Variants in SETBP1 observed in about 807,000 individuals in gnomAD.
SETBP1 encodes SET binding protein 1, also known as SET-binding protein.
A neutral mutation model predicts 101.0 loss-of-function variants in SETBP1; 9 were observed. That is an observed-to-expected ratio of 0.09 (90% CI 0.05 to 0.16). SETBP1 has a LOEUF of 0.16. SETBP1 is among the 10% of genes least tolerant of loss of function. The probability of loss-of-function intolerance (pLI) is 1.00; values close to 1 mark genes in which losing one functional copy is unlikely to be tolerated. For synonymous variants in SETBP1, 818 were observed against 788.5 expected (o/e 1.04, Z -0.63); for missense variants, 1,858 against 2,033.8 (o/e 0.91, Z 1.66).
intron 2 of SETBP1, among the ~76,000 whole-genome samples, chr18:44,837,373 C>T (rs1319306728): frequency 6.6e-6 from 1 of 152,206 alleles, no homozygotes; most frequent in African/African-American, 2.4e-5. Flanking sequence ...TCATCTATAG[C>T]AAGCCTTTTT....
chr18:44,756,046 T>C (rs2070486423), intron 2 of SETBP1, among the ~76,000 whole-genome samples: 1 of 151,914 alleles, frequency 6.6e-6, no homozygotes, highest in Non-Finnish European at 1.5e-5. Flanking sequence ...AAACCCCGTC[T>C]CTACTAAAAA....
At position 45,053,054 on chromosome 18, in the gene SETBP1, C is replaced by T. The variant is rs148427442; in HGVS notation, c.4172-10025C>T. Among the ~76,000 whole-genome samples the T allele has an allele frequency of 6.0e-3, 914 of 152,098 alleles. 8 individuals are homozygous for T. Among genetic ancestry groups the T allele is most frequent in the Admixed American group, 0.014 (213 of 15,284 alleles). On this transcript the variant is annotated intron_variant, in intron 5 of 5. Transcript: ENST00000649279. ...ACATAGCCTTGGCCAGTGTTGGTAG[C>T]TGTTTATTTGAAAGTGTTTAAGGGA...
At chr18:45,062,640 T>G (rs749085434) in intron 5 of SETBP1, among the ~76,000 whole-genome samples, 1 of 152,072 alleles carries the variant, frequency 6.6e-6, no homozygotes, top group Non-Finnish European at 1.5e-5. Context: ...AAAGAGAAAG[T>G]CTAATCCTTT....
At chr18:44,944,568 C>T (rs762472323) in intron 3 of SETBP1, among the ~76,000 whole-genome samples, 15 of 152,158 alleles carry the variant, frequency 9.9e-5, no homozygotes, top group South Asian at 2.1e-4. Flanking sequence ...GATTCTGATA[C>T]GGTAATCTAG....
At chr18:44,925,474 A>G (rs922689335) in intron 3 of SETBP1, among the ~76,000 whole-genome samples, 1 of 152,118 alleles carries the variant, frequency 6.6e-6, no homozygotes, top group African/African-American at 2.4e-5. Flanking sequence ...TTGGAGCTAG[A>G]AGTTTACTGC....
chr18:44,951,787 C>G lies in SETBP1; in HGVS notation c.2447C>G (p.Thr816Ser), dbSNP rs779562371. 2 of 1,614,124 alleles carry G rather than the reference C, an allele frequency of 1.2e-6. No homozygotes were observed. The highest frequency in any genetic ancestry group is 1.7e-6 in the Non-Finnish European group (2 of 1,180,034). Residue 816 changes from threonine to serine, a missense_variant, in exon 4 of 6, where the codon ACC (threonine) becomes AGC (serine). By Grantham distance (58) the Thr-to-Ser change is moderately conservative (BLOSUM62 1). Around this residue, in one of 12 missense-constraint regions of SETBP1, gnomAD observed 121 missense variants for 138.0 expected, o/e 0.88. Coordinates refer to ENST00000649279, the MANE Select transcript of SETBP1 (RefSeq NM_015559.3). This position sits in a 1 kb window ranked among gnomAD's most constrained non-coding sequence, Gnocchi z 7.8. ...PNLQPISALP[T>S]KTQKGIHSGT... The stretch of plus-strand genomic sequence containing the variant: ...CTCCAGCCCATCAGTGCTCTTCCAA[C>G]CAAAACCCAAAAGGGAATACACAGT...
chr18:44,740,374 G>A (rs996001606), intron 2 of SETBP1, among the ~76,000 whole-genome samples: 1 of 152,196 alleles, frequency 6.6e-6, no homozygotes. Context: ...GGACAGCTGA[G>A]GGCTGGCACT....
At chr18:45,034,515 A>G (rs2073356169) in intron 4 of SETBP1, among the ~76,000 whole-genome samples, 1 of 152,186 alleles carries the variant, frequency 6.6e-6, no homozygotes, top group African/African-American at 2.4e-5. Context: ...AGGCTACAGC[A>G]CAGTTTCAGA....
intron 2 of SETBP1, among the ~76,000 whole-genome samples, chr18:44,759,780 A>G (rs2070598619): frequency 6.6e-6 from 1 of 152,250 alleles, no homozygotes; most frequent in Non-Finnish European, 1.5e-5. Context: ...CCTGTGCTGT[A>G]TGCAATGGCT....
chr18:44,768,818 C>T (rs1196142147), intron 2 of SETBP1, among the ~76,000 whole-genome samples: 1 of 152,344 alleles, frequency 6.6e-6, no homozygotes, highest in African/African-American at 2.4e-5. Flanking sequence ...AGAAAACCTC[C>T]TGGAAACCCT....
intron 2 of SETBP1, among the ~76,000 whole-genome samples, chr18:44,850,519 C>T (rs1007870202): frequency 3.3e-5 from 5 of 152,048 alleles, no homozygotes; most frequent in East Asian, 1.9e-4. Flanking sequence ...TACAGGCGAA[C>T]GTCACCATGC....
Position 44,834,660 on chromosome 18 carries a change from T to C in SETBP1, c.487-34570T>C, listed in dbSNP as rs183586660. 7.9e-5 allele frequency among the ~76,000 whole-genome samples: 12 copies of C among 152,334 alleles called. No individual in the cohort carries two copies. In the East Asian group the frequency reaches 2.1e-3, roughly 27 times the overall value. ...AATGATTAATCAATCAAATAATTAC[T>C]GTACACTCGTCAAATGTCAGGAGAT... On this transcript the variant is annotated intron_variant, in intron 2 of 5. Coordinates refer to ENST00000649279, the MANE Select transcript of SETBP1 (RefSeq NM_015559.3).
chr18:44,682,487 T>A (rs555351660), intron 1 of SETBP1, among the ~76,000 whole-genome samples: 1 of 152,296 alleles, frequency 6.6e-6, no homozygotes, highest in East Asian at 1.9e-4. Context: ...CCTCCCTTTT[T>A]TTCTGATTTC....
chr18:44,755,069 C>T (rs374051775), intron 2 of SETBP1, among the ~76,000 whole-genome samples: 3 of 152,198 alleles, frequency 2.0e-5, no homozygotes, highest in East Asian at 3.8e-4. Flanking sequence ...TGTTTCTAAC[C>T]CTCTGCAGGT....
intron 3 of SETBP1, among the ~76,000 whole-genome samples, chr18:44,891,867 G>A (rs775217004): frequency 8.5e-5 from 13 of 152,064 alleles, no homozygotes; most frequent in Non-Finnish European, 1.6e-4. Flanking sequence ...TAGATGTCTT[G>A]AAATAGGAAC....
intron 4 of SETBP1, among the ~76,000 whole-genome samples, chr18:44,957,035 T>C (rs1337983416): frequency 4.6e-5 from 7 of 152,186 alleles, no homozygotes; most frequent in African/African-American, 1.7e-4. Context: ...ATAAAAATGC[T>C]TGCCTGGGAC....
chr18:44,722,041 C>T (rs1161186875), intron 2 of SETBP1, among the ~76,000 whole-genome samples: 1 of 152,176 alleles, frequency 6.6e-6, no homozygotes, highest in African/African-American at 2.4e-5. Context: ...CGTGGACATG[C>T]ATGTGAAATC....
Position 44,972,356 on chromosome 18 carries a change from C to T in SETBP1, c.4000+19016C>T, listed in dbSNP as rs771162705. ...TTGGCTTAGGATTGACTTGGCGATG[C>T]GGGCTCTTTTTTGGTTGCATATGAA... On this transcript the variant is annotated intron_variant, in intron 4 of 5. Coordinates refer to ENST00000649279, the MANE Select transcript of SETBP1 (RefSeq NM_015559.3). Among the ~76,000 whole-genome samples, 9 of 152,162 alleles carry T rather than the reference C, an allele frequency of 5.9e-5. 1 individual carries two copies. The highest frequency in any genetic ancestry group is 1.7e-4 in the African/African-American group (7 of 41,518).
rs1213089173 is a variant in SETBP1, at chr18:45,063,004, A to G, written c.4172-75A>G. ...AATCTTTATAGCCAAGTAGAATGCT[A>G]GCTGTCAGTGAAGAGGCTGAGTTGA... On this transcript the variant is annotated intron_variant, in intron 5 of 5. Coordinates refer to ENST00000649279, the MANE Select transcript of SETBP1 (RefSeq NM_015559.3). 1.9e-6 allele frequency: 3 copies of G among 1,599,714 alleles called. No individual in the cohort carries two copies. The East Asian group carries it at 6.7e-5, about 36-fold the overall frequency.
Sources: gnomAD v4.1 joint callset for allele counts (sites outside exome capture counted in the v4.1 genomes callset) on GRCh38, gnomAD v4.1.1 for gene constraint, gnomAD v4.1.1 regional missense constraint, Gnocchi (gnomAD v3.1) non-coding constraint, MANE v1.5 for transcripts, NCBI Gene and HGNC (gene_info 2026-07-23, HGNC 2026-07-21) for gene names.